Variants in PIK3C2G observed in about 807,000 individuals in gnomAD.
The protein encoded by PIK3C2G is phosphatidylinositol-4-phosphate 3-kinase catalytic subunit type 2 gamma.
PIK3C2G carries 168 observed loss-of-function variants against 181.1 expected under a neutral mutation model. The observed-to-expected ratio is 0.93, with a 90% confidence interval of 0.82 to 1.05. PIK3C2G has a LOEUF of 1.05. Ranked by LOEUF, PIK3C2G falls within the 50% of genes least tolerant of loss-of-function variation. PIK3C2G has a pLI of 0.00. For synonymous variants in PIK3C2G, 573 were observed against 592.2 expected, an observed-to-expected ratio of 0.97 and a Z score of 0.47; for missense variants, 1,869 against 1,732.8, an observed-to-expected ratio of 1.08 and a Z score of -1.40.
At chr12:18,693,796 G>C in the PIK3C2G span, 1 of 1,510,036 alleles carries the variant, frequency 6.6e-7, no homozygotes, top group East Asian at 2.3e-5. Context: ...TGGATCCAGC[G>C]CTTATCAGAC....
intron 11 of PIK3C2G, among the ~76,000 whole-genome samples, chr12:18,356,050 T>TAAGAGG (rs1940699090): frequency 6.6e-6 from 1 of 152,118 alleles, no homozygotes; most frequent in Non-Finnish European, 1.5e-5. Context: ...CAAGAGGCCT[T>TAAGAGG]CAGTTTCCCC....
chr12:18,696,229 G>A, the PIK3C2G span: 1 of 1,594,704 alleles, frequency 6.3e-7, no homozygotes, highest in Non-Finnish European at 8.6e-7. Context: ...GATATATTCT[G>A]GTAATGAACT....
upstream of PIK3C2G, among the ~76,000 whole-genome samples, chr12:18,247,342 T>C (rs985444464): frequency 2.6e-5 from 4 of 152,182 alleles, no homozygotes; most frequent in Admixed American, 6.5e-5. Context: ...ATGAAACAGC[T>C]ACGTTATCTG....
intron 5 of PIK3C2G, among the ~76,000 whole-genome samples, chr12:18,299,886 A>G (rs1950105252): frequency 6.6e-6 from 1 of 151,770 alleles, no homozygotes; most frequent in Non-Finnish European, 1.5e-5. Context: ...CTCTTACTTG[A>G]TCATGGTGTA....
chr12:18,425,310 T>C (rs576211130), intron 18 of PIK3C2G, among the ~76,000 whole-genome samples: 23 of 152,098 alleles, frequency 1.5e-4, no homozygotes, highest in African/African-American at 5.5e-4. Context: ...AATTGGATTG[T>C]TTTGGTTTGT....
chr12:18,325,845 A>G (rs1252364209), intron 8 of PIK3C2G, among the ~76,000 whole-genome samples: 1 of 152,152 alleles, frequency 6.6e-6, no homozygotes, highest in East Asian at 1.9e-4. Context: ...TGAAAGAAGC[A>G]GACAGGGGCC....
chr12:18,507,250 G>A (rs1941892366), intron 24 of PIK3C2G, among the ~76,000 whole-genome samples: 2 of 151,952 alleles, frequency 1.3e-5, no homozygotes, highest in South Asian at 2.1e-4. Context: ...GGCTGGTCTC[G>A]AACTCCTGGC....
At chr12:18,442,592 G>A (rs1946803659) in intron 18 of PIK3C2G, among the ~76,000 whole-genome samples, 1 of 152,148 alleles carries the variant, frequency 6.6e-6, no homozygotes, top group African/African-American at 2.4e-5. Context: ...TTCCAAGAAC[G>A]AACTCATACA....
At chr12:18,267,565 G>T (rs762406219) in intron 1 of PIK3C2G, among the ~76,000 whole-genome samples, 6 of 152,000 alleles carry the variant, frequency 3.9e-5, no homozygotes, top group African/African-American at 1.2e-4. Flanking sequence ...CATAAATAAT[G>T]TCTGCAGCTT....
intron 26 of PIK3C2G, among the ~76,000 whole-genome samples, chr12:18,557,765 C>A (rs1945086497): frequency 6.6e-6 from 1 of 152,078 alleles, no homozygotes; most frequent in Non-Finnish European, 1.5e-5. Context: ...CATATATTAT[C>A]AAATATGAAT....
At chr12:18,586,033 G>A (rs1027277361) in intron 29 of PIK3C2G, among the ~76,000 whole-genome samples, 1 of 152,052 alleles carries the variant, frequency 6.6e-6, no homozygotes, top group African/African-American at 2.4e-5. Context: ...AAAATTTCTG[G>A]GACACAGCTA....
intron 18 of PIK3C2G, among the ~76,000 whole-genome samples, chr12:18,431,738 A>AT (rs912831201): frequency 1.3e-5 from 2 of 152,060 alleles, no homozygotes; most frequent in African/African-American, 2.4e-5. Context: ...CAACTAATTT[A>AT]TTTTTTTACC....
At chr12:18,514,349 C>T (rs768652856) in intron 24 of PIK3C2G, among the ~76,000 whole-genome samples, 29 of 151,832 alleles carry the variant, frequency 1.9e-4, no homozygotes, top group African/African-American at 5.3e-4. Context: ...GTATAATCTA[C>T]GTCCAATATT....
chr12:18,631,573 C>T (rs1949352984), intron 31 of PIK3C2G, among the ~76,000 whole-genome samples: 1 of 151,958 alleles, frequency 6.6e-6, no homozygotes, highest in African/African-American at 2.4e-5. Context: ...TTCAGTACAC[C>T]AGTGGTATAT....
the PIK3C2G span, among the ~76,000 whole-genome samples, chr12:18,720,853 A>ATG: frequency 6.6e-6 from 1 of 152,124 alleles, no homozygotes; most frequent in Non-Finnish European, 1.5e-5. Context: ...TACAATACTA[A>ATG]GCAGCCATTA....
chr12:18,694,987 G>T, the PIK3C2G span: 2 of 1,609,694 alleles, frequency 1.2e-6, no homozygotes, highest in Non-Finnish European at 1.7e-6. Context: ...CTTAAGAAAT[G>T]TGGTTTCAAA....
intron 1 of PIK3C2G, among the ~76,000 whole-genome samples, chr12:18,270,098 C>G (rs12372238): frequency 0.35 from 53,221 of 151,386 alleles, 9,847 homozygotes; most frequent in Non-Finnish European, 0.41. Flanking sequence ...TTAGTAAAGA[C>G]AGGGTTTCAC....
chr12:18,687,982 T>C, the PIK3C2G span: 2 of 1,462,432 alleles, frequency 1.4e-6, no homozygotes, highest in African/African-American at 1.4e-5. Flanking sequence ...TGGAAAACCC[T>C]TGTCTTATGA....
the PIK3C2G span, among the ~76,000 whole-genome samples, chr12:18,720,140 C>A: frequency 6.6e-6 from 1 of 152,040 alleles, no homozygotes; most frequent in Admixed American, 6.6e-5. Context: ...TTCTTTTACT[C>A]AACATTCTAT....
Sources: allele counts gnomAD v4.1 joint callset (sites outside exome capture counted in the v4.1 genomes callset), GRCh38; gene constraint gnomAD v4.1.1; transcripts MANE v1.5; gene names NCBI Gene and HGNC (gene_info 2026-07-23, HGNC 2026-07-21).